MYO1D: variants seen among roughly 807,000 people sequenced by gnomAD.
MYO1D encodes myosin ID, also known as unconventional myosin-Id.
In MYO1D, 83 loss-of-function variants were observed where a neutral mutation model predicts 122.0. The ratio of observed to expected loss-of-function variants is 0.68; its 90% CI spans 0.57 to 0.82. The LOEUF is 0.82. Ranked by LOEUF, MYO1D falls within the 40% of genes least tolerant of loss-of-function variation. MYO1D has a pLI of 0.00. For missense variants in MYO1D, 1,157 were observed against 1,269.5 expected, an observed-to-expected ratio of 0.91 and a Z score of 1.35; for synonymous variants, 464 against 446.9, an observed-to-expected ratio of 1.04 and a Z score of -0.48.
At chr17:32,594,730 T>G (rs2087474816) in intron 21 of MYO1D, among the ~76,000 whole-genome samples, 1 of 152,196 alleles carries the variant, frequency 6.6e-6, no homozygotes, top group Non-Finnish European at 1.5e-5. Flanking sequence ...GGCATATGGA[T>G]TTTTTGGGGC....
intron 1 of MYO1D, among the ~76,000 whole-genome samples, chr17:32,827,710 T>C (rs1378369717): frequency 1.3e-5 from 2 of 152,168 alleles, no homozygotes; most frequent in Non-Finnish European, 2.9e-5. Context: ...AAAGACATCA[T>C]TAAGTTTAAA....
Position 32,760,615 on chromosome 17 carries a change from G to A in MYO1D, c.1048C>T (p.Arg350Cys), listed in dbSNP as rs765075819. 1.7e-5 allele frequency: 28 copies of A among 1,606,654 alleles called. No homozygotes were observed. Among genetic ancestry groups the A allele is most frequent in the East Asian group, 2.2e-5 (1 of 44,820 alleles). Reference protein sequence around the residue: ...RDAFAKAIYERLFCWIVTRIN... With the variant: ...RDAFAKAIYECLFCWIVTRIN... ...CGAGTAACGATCCAACAAAAAAGGC[G>A]CTCATATATTGCCTGCAAGGAAAAT... The change falls in exon 9 of 22, where the codon CGC becomes TGC. Residue 350 changes from arginine (R) to cysteine (C), a missense_variant. Transcript: ENST00000318217.
At chr17:32,876,736 A>G (rs1036284303) in intron 1 of MYO1D, 42 bp downstream of exon 1, 1 of 1,450,846 alleles carries the variant, frequency 6.9e-7, no homozygotes, top group Non-Finnish European at 9.2e-7. Flanking sequence ...CTCTCGGGAA[A>G]GCGCAGCCTC....
At chr17:32,834,440 C>G (rs1158474512) in intron 1 of MYO1D, among the ~76,000 whole-genome samples, 1 of 152,212 alleles carries the variant, frequency 6.6e-6, no homozygotes, top group Non-Finnish European at 1.5e-5. Flanking sequence ...GTTCTCCAAG[C>G]TAACAACATG....
chr17:32,791,179 C>CA (rs1367439195), intron 1 of MYO1D, among the ~76,000 whole-genome samples: 3 of 151,920 alleles, frequency 2.0e-5, no homozygotes, highest in Non-Finnish European at 4.4e-5. Flanking sequence ...GCCTGGCCAA[C>CA]ATGGTGAAAC....
At chr17:32,541,516 A>C (rs999500522) in intron 21 of MYO1D, among the ~76,000 whole-genome samples, 1 of 152,180 alleles carries the variant, frequency 6.6e-6, no homozygotes, top group African/African-American at 2.4e-5. Context: ...TAGTTGCACA[A>C]CTCTGAATAT....
intron 21 of MYO1D, among the ~76,000 whole-genome samples, chr17:32,509,267 C>G (rs1369464457): frequency 6.6e-6 from 1 of 152,172 alleles, no homozygotes; most frequent in Non-Finnish European, 1.5e-5. Context: ...TCAAGGGGTG[C>G]CTTTTGGGAA....
At chr17:32,589,483 T>C (rs1163460205) in intron 21 of MYO1D, among the ~76,000 whole-genome samples, 1 of 152,028 alleles carries the variant, frequency 6.6e-6, no homozygotes, top group Admixed American at 6.6e-5. Context: ...TTCCAGGGAG[T>C]AGGGCAATGT....
At chr17:32,626,829 C>T (rs1427098340) in intron 20 of MYO1D, among the ~76,000 whole-genome samples, 1 of 152,104 alleles carries the variant, frequency 6.6e-6, no homozygotes, top group Non-Finnish European at 1.5e-5. Context: ...GCTTAGTCGT[C>T]ACATTTCTTA....
At chr17:32,722,155 C>T (rs1398263347) in intron 14 of MYO1D, among the ~76,000 whole-genome samples, 1 of 152,098 alleles carries the variant, frequency 6.6e-6, no homozygotes, top group Non-Finnish European at 1.5e-5. Context: ...GTTTTCAACA[C>T]CTAAAAAAAG....
intron 21 of MYO1D, chr17:32,505,671 T>C (rs960221885): frequency 3.3e-5 from 5 of 152,078 alleles, no homozygotes; most frequent in African/African-American, 9.7e-5. Context: ...AACAAACAAA[T>C]TGTCAGTAAA....
intron 16 of MYO1D, among the ~76,000 whole-genome samples, chr17:32,700,455 T>C (rs116309017): frequency 0.015 from 2,256 of 152,226 alleles, 45 homozygotes; most frequent in African/African-American, 0.049. Flanking sequence ...GGCACAAGGG[T>C]TGGGGACCCC....
intron 18 of MYO1D, among the ~76,000 whole-genome samples, chr17:32,654,180 T>C (rs2088439365): frequency 6.6e-6 from 1 of 152,130 alleles, no homozygotes; most frequent in South Asian, 2.1e-4. Flanking sequence ...GAATAATTAA[T>C]ATAAAGGTAG....
intron 21 of MYO1D, among the ~76,000 whole-genome samples, chr17:32,524,343 G>A (rs912730302): frequency 8.5e-5 from 13 of 152,090 alleles, no homozygotes; most frequent in Non-Finnish European, 1.8e-4. Flanking sequence ...CACTCTCTGC[G>A]CTAACAAGCT....
At chr17:32,561,918 T>C (rs1381989057) in intron 21 of MYO1D, among the ~76,000 whole-genome samples, 1 of 152,100 alleles carries the variant, frequency 6.6e-6, no homozygotes, top group East Asian at 1.9e-4. Flanking sequence ...GAAGTAAAGC[T>C]GGAAAACACA....
At chr17:32,601,403 G>A (rs1056885269) in intron 21 of MYO1D, among the ~76,000 whole-genome samples, 2 of 152,144 alleles carry the variant, frequency 1.3e-5, no homozygotes, top group African/African-American at 4.8e-5. Context: ...ATGGTCAGTG[G>A]AGCAGTCAGA....
intron 21 of MYO1D, among the ~76,000 whole-genome samples, chr17:32,499,771 C>A (rs1225570963): frequency 6.6e-6 from 1 of 151,714 alleles, no homozygotes; most frequent in Non-Finnish European, 1.5e-5. Context: ...CCAGCCTGGG[C>A]AACATGGTGA....
At chr17:32,589,709 T>G (rs2087421694) in intron 21 of MYO1D, among the ~76,000 whole-genome samples, 1 of 152,232 alleles carries the variant, frequency 6.6e-6, no homozygotes, top group Admixed American at 6.5e-5. Flanking sequence ...TTTAACTTCG[T>G]GCTTCCTTGC....
chr17:32,604,425 G>A (rs1567906018), intron 21 of MYO1D, among the ~76,000 whole-genome samples: 1 of 152,142 alleles, frequency 6.6e-6, no homozygotes, highest in African/African-American at 2.4e-5. Flanking sequence ...TATGGGAAGA[G>A]AAATCCAATC....
Sources: allele counts gnomAD v4.1 joint callset (sites outside exome capture counted in the v4.1 genomes callset), GRCh38; gene constraint gnomAD v4.1.1; transcripts MANE v1.5; gene names NCBI Gene and HGNC (gene_info 2026-07-23, HGNC 2026-07-21).